The following XIRP2 variants were observed in gnomAD, a reference collection of about 807,000 sequenced individuals.
XIRP2 encodes the protein xin actin-binding repeat-containing protein 2.
In XIRP2, 236 loss-of-function variants were observed where a neutral mutation model predicts 277.0. That is an observed-to-expected ratio of 0.85 (90% CI 0.77 to 0.95). The LOEUF is 0.95. Ranked by LOEUF, XIRP2 falls within the 40% of genes least tolerant of loss-of-function variation. The pLI, the probability that XIRP2 is intolerant of heterozygous loss-of-function variation, is 0.00. For synonymous variants in XIRP2, 1,490 were observed against 1,416.5 expected, an observed-to-expected ratio of 1.05 and a Z score of -1.17; for missense variants, 4,640 against 4,157.5, an observed-to-expected ratio of 1.12 and a Z score of -3.19.
intron 2 of XIRP2, among the ~76,000 whole-genome samples, chr2:167,071,512 T>C (rs999898148): frequency 3.3e-5 from 5 of 152,166 alleles, no homozygotes; most frequent in Non-Finnish European, 7.3e-5. Flanking sequence ...ACTTACCTTA[T>C]GGGAGCAAAC....
rs917188370 is a variant in XIRP2 at position 167,255,155 on chromosome 2, G to A, written c.*39+990G>A. 8.6e-5 allele frequency among the ~76,000 whole-genome samples: 13 copies of A among 151,770 alleles called. No individual in the cohort carries two copies. In the East Asian group the frequency reaches 2.0e-3, roughly 23 times the overall value. On this transcript the variant is annotated intron_variant, in intron 10 of 10. Coordinates refer to ENST00000409195, the MANE Select transcript of XIRP2 (RefSeq NM_152381.6). ...GTTATGGGAATTTATTCTTCTCAAC[G>A]TTTCTCTTCTTTCTAGTGAATCACA...
intron 2 of XIRP2, among the ~76,000 whole-genome samples, chr2:166,925,433 C>T (rs957361970): frequency 3.3e-5 from 5 of 151,488 alleles, no homozygotes; most frequent in African/African-American, 4.8e-5. Context: ...GTTTATAGCA[C>T]GTTTAATTTC....
intron 2 of XIRP2, among the ~76,000 whole-genome samples, chr2:167,001,883 T>C (rs1277708092): frequency 6.6e-6 from 1 of 152,152 alleles, no homozygotes; most frequent in Non-Finnish European, 1.5e-5. Flanking sequence ...AAAAATGTTG[T>C]GTAGCACTTT....
chr2:166,908,773 A>T (rs1474509218), intron 2 of XIRP2, among the ~76,000 whole-genome samples: 3 of 152,148 alleles, frequency 2.0e-5, no homozygotes, highest in Non-Finnish European at 2.9e-5. Context: ...TCTTTAATCC[A>T]TCTTGAATTA....
chr2:166,913,284 C>G (rs1684763307), intron 2 of XIRP2, among the ~76,000 whole-genome samples: 2 of 148,914 alleles, frequency 1.3e-5, no homozygotes, highest in Non-Finnish European at 3.0e-5. Context: ...CTTTGTTTAC[C>G]TACTTAAGCC....
chr2:166,998,722 C>T (rs1687289566), intron 2 of XIRP2, among the ~76,000 whole-genome samples: 1 of 152,134 alleles, frequency 6.6e-6, no homozygotes, highest in Admixed American at 6.6e-5. Flanking sequence ...TTTAACCAAT[C>T]AGAAACTGCC....
chr2:167,010,652 A>G (rs1687650553), intron 2 of XIRP2, among the ~76,000 whole-genome samples: 1 of 152,118 alleles, frequency 6.6e-6, no homozygotes, highest in African/African-American at 2.4e-5. Context: ...TCTATAAATT[A>G]CCTTGGGCAG....
intron 3 of XIRP2, among the ~76,000 whole-genome samples, chr2:167,153,997 A>G (rs1403232021): frequency 2.7e-5 from 4 of 150,382 alleles, no homozygotes; most frequent in African/African-American, 9.9e-5. Flanking sequence ...GACTTCCACA[A>G]TGGTTGAACT....
In XIRP2 at chr2:167,258,081, A is replaced by G; in HGVS notation, c.*264A>G. Reference sequence around the variant, plus strand: ...ACCCTTGTACCTGGAGATCGTAATGAACATTTAGATGCTGGTAACAGTGAA... The same window carrying G: ...ACCCTTGTACCTGGAGATCGTAATGGACATTTAGATGCTGGTAACAGTGAA... On this transcript the variant is annotated 3_prime_UTR_variant, in exon 11 of 11. Transcript: ENST00000409195. 6.2e-7 allele frequency: 1 copy of G among 1,613,136 alleles called. No homozygotes were observed. The highest frequency in any genetic ancestry group is 1.1e-5 in the South Asian group (1 of 91,016).
At chr2:167,164,212 A>G (rs113155011) in intron 3 of XIRP2, among the ~76,000 whole-genome samples, 41,036 of 151,622 alleles carry the variant, frequency 0.27, 6,997 homozygotes, top group African/African-American at 0.49. Context: ...AGGCCGAGGC[A>G]GGTGGATCAC....
chr2:167,191,113 G>C (rs1303477408), intron 3 of XIRP2, among the ~76,000 whole-genome samples: 4 of 150,646 alleles, frequency 2.7e-5, no homozygotes, highest in East Asian at 2.0e-4. Context: ...CTGAATCTAG[G>C]AGGTTGAGGC....
intron 2 of XIRP2, among the ~76,000 whole-genome samples, chr2:166,909,236 T>A (rs964265772): frequency 6.6e-6 from 1 of 152,250 alleles, no homozygotes; most frequent in African/African-American, 2.4e-5. Context: ...TATTGATTCT[T>A]CCTATCCACG....
rs748374033 is a variant in XIRP2 at position 167,247,027 on chromosome 2, A to G, written c.5635A>G (p.Ser1879Gly). The change falls in exon 9 of 11, where the codon AGC becomes GGC. Residue 1879 changes from serine (S) to glycine (G), a missense_variant. Ser to Gly is a moderately conservative substitution (Grantham distance 56). Coordinates refer to ENST00000409195, the MANE Select transcript of XIRP2 (RefSeq NM_152381.6). Reference protein sequence around the residue: ...LATLKSLKESSHRWKESKQPD... With the variant: ...LATLKSLKESGHRWKESKQPD... ...CACACTCAAGTCACTTAAAGAATCA[A>G]GCCATCGATGGAAAGAATCTAAACA... 1.9e-6 allele frequency: 3 copies of G among 1,613,538 alleles called. No individual in the cohort carries two copies. In the Admixed American group the frequency reaches 5.0e-5, roughly 27 times the overall value.
chr2:166,908,581 T>A (rs1267774126), intron 2 of XIRP2, among the ~76,000 whole-genome samples: 1 of 152,178 alleles, frequency 6.6e-6, no homozygotes, highest in African/African-American at 2.4e-5. Flanking sequence ...TTCACTCTGA[T>A]GGTAGTTTCT....
rs373512117 is a variant in XIRP2 at position 167,005,952 on chromosome 2, C to T, written c.408+102062C>T. 2.6e-5 allele frequency among the ~76,000 whole-genome samples: 4 copies of T among 151,746 alleles called. No homozygotes were observed. In the East Asian group the frequency reaches 5.8e-4, roughly 22 times the overall value. On this transcript the variant is annotated intron_variant, in intron 2 of 10. Transcript: ENST00000409195. ...TGCTCCAAATCTGTTTGGTCTGATG[C>T]GTGTCCACATCAGAATCATAACTCT...
intron 4 of XIRP2, among the ~76,000 whole-genome samples, chr2:167,217,721 A>C (rs1431862896): frequency 6.6e-6 from 1 of 152,184 alleles, no homozygotes; most frequent in Non-Finnish European, 1.5e-5. Context: ...AATAATTTTA[A>C]GTTTTTGGAG....
intron 5 of XIRP2, among the ~76,000 whole-genome samples, chr2:167,225,563 T>A (rs182076942): frequency 1.2e-4 from 18 of 152,286 alleles, no homozygotes; most frequent in African/African-American, 4.3e-4. Context: ...TTGCTTTTTT[T>A]TCGACACAGG....
At chr2:167,084,934 C>G (rs1042127439) in intron 2 of XIRP2, among the ~76,000 whole-genome samples, 1 of 149,582 alleles carries the variant, frequency 6.7e-6, no homozygotes, top group South Asian at 2.1e-4. Flanking sequence ...TTTTGTGTCT[C>G]TATTTCCTTC....
intron 2 of XIRP2, among the ~76,000 whole-genome samples, chr2:167,049,021 G>A (rs954138739): frequency 6.6e-6 from 1 of 151,710 alleles, no homozygotes; most frequent in African/African-American, 2.4e-5. Context: ...CCAGCTTCTT[G>A]GCTTCTCTCC....
Sources: allele counts gnomAD v4.1 joint callset (sites outside exome capture counted in the v4.1 genomes callset), GRCh38; gene constraint gnomAD v4.1.1; transcripts MANE v1.5; gene names NCBI Gene and HGNC (gene_info 2026-07-23, HGNC 2026-07-21).